Variants in MLLT3 observed in about 807,000 individuals in gnomAD.
MLLT3 encodes the protein protein AF-9.
Under a neutral mutation model 53.2 loss-of-function variants are expected in MLLT3, and 4 were observed. The ratio of observed to expected loss-of-function variants is 0.08; its 90% CI spans 0.04 to 0.17. MLLT3 has a LOEUF of 0.17. Among genes scored for constraint, MLLT3 ranks in the 10% least tolerant of loss-of-function variants. The pLI is 1.00. For synonymous variants in MLLT3, 283 were observed against 230.6 expected (o/e 1.23, Z -2.06); for missense variants, 569 against 684.0 (o/e 0.83, Z 1.87).
chr9:20,526,257 T>C (rs892039774), intron 2 of MLLT3, among the ~76,000 whole-genome samples: 14 of 152,120 alleles, frequency 9.2e-5, no homozygotes, highest in African/African-American at 3.4e-4. Flanking sequence ...TTTGATGAAG[T>C]TAAACTAAAT....
chr9:20,489,425 A>G (rs1291080515), intron 2 of MLLT3, among the ~76,000 whole-genome samples: 3 of 152,196 alleles, frequency 2.0e-5, no homozygotes, highest in Non-Finnish European at 4.4e-5. Context: ...CAAAATCATT[A>G]AAGGGAGATT....
intron 2 of MLLT3, among the ~76,000 whole-genome samples, chr9:20,599,954 T>C (rs1050873910): frequency 6.6e-6 from 1 of 152,106 alleles, no homozygotes; most frequent in Non-Finnish European, 1.5e-5. Context: ...TAATATTATA[T>C]TGTACGATGC....
At chr9:20,347,145 C>A (rs910683776) in intron 10 of MLLT3, among the ~76,000 whole-genome samples, 4 of 150,114 alleles carry the variant, frequency 2.7e-5, no homozygotes, top group Admixed American at 6.6e-5. Context: ...CAGATAGTGA[C>A]CAGAGGGGGC....
intron 4 of MLLT3, among the ~76,000 whole-genome samples, chr9:20,442,801 T>C (rs907839775): frequency 6.6e-6 from 1 of 152,122 alleles, no homozygotes; most frequent in Non-Finnish European, 1.5e-5. Flanking sequence ...AAACAGATCA[T>C]ATATAAATGT....
intron 4 of MLLT3, among the ~76,000 whole-genome samples, chr9:20,442,777 T>A (rs1441359413): frequency 6.6e-6 from 1 of 152,138 alleles, no homozygotes; most frequent in Admixed American, 6.6e-5. Context: ...AAGATTCCAA[T>A]TTATTCCTTG....
intron 2 of MLLT3, among the ~76,000 whole-genome samples, chr9:20,513,684 C>A (rs948095310): frequency 6.6e-6 from 1 of 152,120 alleles, no homozygotes. Context: ...TAGGCTGTAT[C>A]TGTATGTCCA....
At chr9:20,519,263 A>C (rs1255882702) in intron 2 of MLLT3, among the ~76,000 whole-genome samples, 2 of 152,226 alleles carry the variant, frequency 1.3e-5, no homozygotes, top group Admixed American at 1.3e-4. Context: ...TTAGCTTATC[A>C]GTTTTTACAA....
At chr9:20,558,994 G>A (rs1819132917) in intron 2 of MLLT3, among the ~76,000 whole-genome samples, 1 of 152,186 alleles carries the variant, frequency 6.6e-6, no homozygotes, top group South Asian at 2.1e-4. Context: ...TTCACTAAAA[G>A]GCTGAATGAT....
chr9:20,388,969 C>G (rs1032630259), intron 5 of MLLT3, among the ~76,000 whole-genome samples: 1 of 152,142 alleles, frequency 6.6e-6, no homozygotes, highest in African/African-American at 2.4e-5. Flanking sequence ...ACAAGAATGT[C>G]AGAAACTGCA....
At chr9:20,622,190 G>A (rs577060829) in intron 1 of MLLT3, 55 bp downstream of exon 1, 2 of 1,540,304 alleles carry the variant, frequency 1.3e-6, no homozygotes, top group African/African-American at 1.4e-5. Flanking sequence ...CGGCGGCGCA[G>A]GGCGAGGAAG....
In MLLT3 at chr9:20,587,693, T is replaced by C. The variant is rs924200697; in HGVS notation, c.193+32961A>G. Among the ~76,000 whole-genome samples the C allele has an allele frequency of 6.6e-5, 10 of 152,278 alleles. No individual in the cohort carries two copies. The East Asian group carries it at 9.6e-4, about 15-fold the overall frequency. On this transcript the variant is annotated intron_variant, in intron 2 of 10. Transcript: ENST00000380338. ...GCCCACTTGTTGATGGGGTTGTTTG[T>C]TTTTTTCTTGTAAATTTGTTTGAGT...
At chr9:20,533,561 T>G (rs556206863) in intron 2 of MLLT3, among the ~76,000 whole-genome samples, 1 of 152,198 alleles carries the variant, frequency 6.6e-6, no homozygotes. Context: ...ACTGGGTATA[T>G]GTCCTAAGGA....
chr9:20,530,258 T>A (rs988204478), intron 2 of MLLT3, among the ~76,000 whole-genome samples: 1 of 152,222 alleles, frequency 6.6e-6, no homozygotes, highest in Non-Finnish European at 1.5e-5. Context: ...ACGGTTGGAT[T>A]TTCATTGTTA....
intron 2 of MLLT3, among the ~76,000 whole-genome samples, chr9:20,547,972 G>C (rs1419358982): frequency 6.6e-6 from 1 of 152,048 alleles, no homozygotes; most frequent in Non-Finnish European, 1.5e-5. Flanking sequence ...CAAAATAAAA[G>C]TTGGTACATA....
At chr9:20,594,640 G>A (rs1042286048) in intron 2 of MLLT3, among the ~76,000 whole-genome samples, 2 of 152,144 alleles carry the variant, frequency 1.3e-5, no homozygotes, top group African/African-American at 4.8e-5. Flanking sequence ...AGGTCATAAA[G>A]ACCCTGCTTA....
Position 20,342,770 on chromosome 9 carries a change from C to G in MLLT3, c.*3673G>C, listed in dbSNP as rs1820767627. ...ACATTCACTGCAGCTGTAGTAGTCT[C>G]TACATCATATTCATAGTTTTAGAGC... On this transcript the variant is annotated 3_prime_UTR_variant, in exon 11 of 11. Transcript: ENST00000380338. The G allele has an allele frequency of 5.2e-6, 1 of 191,200 alleles. No homozygotes were observed. The allele number at this position is 191,200 out of a possible 1,614,324, so 11.8% of individuals were successfully genotyped here. A position where few individuals can be genotyped will look rare whatever the true frequency, so the allele number is the denominator to read the frequency against.
At chr9:20,616,965 C>T (rs899089976) in intron 2 of MLLT3, among the ~76,000 whole-genome samples, 6 of 152,092 alleles carry the variant, frequency 3.9e-5, no homozygotes, top group African/African-American at 1.4e-4. Flanking sequence ...TACCCCTGCC[C>T]GATTTACATT....
Position 20,345,018 on chromosome 9 carries a change from C to T in MLLT3, c.*1425G>A, listed in dbSNP as rs570404606. On this transcript the variant is annotated 3_prime_UTR_variant, in exon 11 of 11. Transcript: ENST00000380338. ...GATGAGCTGTTCTTACTTTTCATTTCTCCACTTATGGAGAAGATGGAATAA... is the reference window on the plus strand; with the variant it reads ...GATGAGCTGTTCTTACTTTTCATTTTTCCACTTATGGAGAAGATGGAATAA... 1 of 216,298 alleles carries T rather than the reference C, an allele frequency of 4.6e-6. No individual in the cohort carries two copies. The highest frequency in any genetic ancestry group is 6.8e-5 in the East Asian group (1 of 14,606). 13.4% of individuals were successfully genotyped at this position (216,298 alleles called of 1,614,324 possible). A position where few individuals can be genotyped will look rare whatever the true frequency, so the allele number is the denominator to read the frequency against.
chr9:20,567,396 G>C (rs1819407991), intron 2 of MLLT3, among the ~76,000 whole-genome samples: 1 of 150,186 alleles, frequency 6.7e-6, no homozygotes, highest in South Asian at 2.1e-4. Flanking sequence ...TTTTTTAAAA[G>C]GTTATTAGCC....
Sources: allele counts gnomAD v4.1 joint callset (sites outside exome capture counted in the v4.1 genomes callset), GRCh38; gene constraint gnomAD v4.1.1; transcripts MANE v1.5; gene names NCBI Gene and HGNC (gene_info 2026-07-23, HGNC 2026-07-21).